The following GARNL3 variants were observed in gnomAD, a reference collection of about 807,000 sequenced individuals.
GARNL3 encodes the protein GTPase-activating Rap/Ran-GAP domain-like protein 3.
In GARNL3, 63 loss-of-function variants were observed where a neutral mutation model predicts 125.0. The ratio of observed to expected loss-of-function variants is 0.50; its 90% confidence interval spans 0.41 to 0.62. The LOEUF is 0.62. GARNL3 is among the 20% of genes least tolerant of loss of function. The probability of loss-of-function intolerance (pLI) is 0.00; values close to 1 mark genes in which losing one functional copy is unlikely to be tolerated. For synonymous variants in GARNL3, 439 were observed against 457.5 expected (o/e 0.96, Z 0.52); for missense variants, 994 against 1,244.0 (o/e 0.80, Z 3.02).
At chr9:127,352,279 G>T (rs1003338051) in intron 17 of GARNL3, among the ~76,000 whole-genome samples, 2 of 152,148 alleles carry the variant, frequency 1.3e-5, no homozygotes, top group Admixed American at 6.5e-5. Flanking sequence ...TGTTCAATGG[G>T]AGTATTATAA....
chr9:127,370,368 C>T (rs1831543622), intron 22 of GARNL3, among the ~76,000 whole-genome samples: 3 of 152,186 alleles, frequency 2.0e-5, no homozygotes, highest in South Asian at 2.1e-4. Context: ...GTACAGGATT[C>T]CATATGACAG....
intron 9 of GARNL3, 49 bp downstream of exon 9, chr9:127,333,170 A>G (rs149831549): frequency 1.4e-4 from 199 of 1,454,226 alleles, no homozygotes; most frequent in Non-Finnish European, 1.8e-4. Context: ...TAACTTTTGT[A>G]AGTCAGCCTG....
chr9:127,368,850 G>A (rs559204648), intron 22 of GARNL3, among the ~76,000 whole-genome samples: 2 of 152,072 alleles, frequency 1.3e-5, no homozygotes, highest in Admixed American at 6.5e-5. Flanking sequence ...CAGGAGAATC[G>A]CTTGAGCCCA....
intron 22 of GARNL3, among the ~76,000 whole-genome samples, chr9:127,368,014 T>C (rs1312201554): frequency 4.8e-5 from 7 of 145,406 alleles, no homozygotes; most frequent in Non-Finnish European, 1.1e-4. Flanking sequence ...CTTTCTTTTT[T>C]TTTTTTTTTT....
At chr9:127,336,463 TA>T (rs1370794205) in intron 11 of GARNL3, among the ~76,000 whole-genome samples, 2 of 152,210 alleles carry the variant, frequency 1.3e-5, no homozygotes, top group African/African-American at 4.8e-5. Flanking sequence ...ACTCCTGAAA[TA>T]TGGTCTCTTT....
chr9:127,230,067 T>C (rs559368484), intron 1 of GARNL3, among the ~76,000 whole-genome samples: 1 of 152,212 alleles, frequency 6.6e-6, no homozygotes, highest in East Asian at 1.9e-4. Flanking sequence ...AAGACACTTA[T>C]GCTGTTAAAC....
chr9:127,304,997 C>T (rs1369054709), intron 2 of GARNL3, among the ~76,000 whole-genome samples: 2 of 152,056 alleles, frequency 1.3e-5, no homozygotes, highest in Non-Finnish European at 1.5e-5. Context: ...TGTTGCAGAC[C>T]GAATGACAAA....
chr9:127,336,691 A>G (rs1829571810), intron 11 of GARNL3, among the ~76,000 whole-genome samples: 1 of 152,218 alleles, frequency 6.6e-6, no homozygotes, highest in Non-Finnish European at 1.5e-5. Context: ...GATAGAATTA[A>G]TAGTATTTTT....
intron 2 of GARNL3, chr9:127,243,273 T>A (rs1336944286): frequency 7.3e-7 from 1 of 1,365,504 alleles, no homozygotes; most frequent in East Asian, 4.5e-5. Flanking sequence ...AGAAGCATCA[T>A]CTCAGTTTGG....
At chr9:127,302,765 CTTATA>C (rs373350163) in intron 2 of GARNL3, among the ~76,000 whole-genome samples, 19 of 152,264 alleles carry the variant, frequency 1.2e-4, no homozygotes, top group African/African-American at 3.4e-4. Context: ...ATTTTACAAG[CTTATA>C]TTCATTCAAC....
chr9:127,366,241 A>T (rs1040481473), intron 22 of GARNL3, among the ~76,000 whole-genome samples: 1 of 152,270 alleles, frequency 6.6e-6, no homozygotes, highest in African/African-American at 2.4e-5. Context: ...AGGTTGTTTT[A>T]TAAACATCAT....
chr9:127,387,112 T>C, intron 24 of GARNL3, 81 bp from the exon 25 acceptor site: 6 of 1,445,202 alleles, frequency 4.2e-6, no homozygotes, highest in Non-Finnish European at 5.7e-6. Context: ...AGTTGGAGGG[T>C]TTGCAGTGAT....
At chr9:127,369,945 A>G (rs10987621) in intron 22 of GARNL3, among the ~76,000 whole-genome samples, 3,580 of 152,244 alleles carry the variant, frequency 0.024, 142 homozygotes, top group East Asian at 0.16. Context: ...CAGTGGGAAG[A>G]GGAAGGATTG....
chr9:127,390,763 G>A lies in GARNL3; in HGVS notation c.2866G>A (p.Asp956Asn). ...KPGAVRSSSS[D>N]RIPSGSLESA... ...AGGGGCAGTGAGGTCATCTAGCAGT[G>A]ACAGGTAAAGAGAGGGAGAGGCCCC... Residue 956 changes from aspartate (D) to asparagine (N), a missense_variant, in exon 27 of 28, where the codon GAC becomes AAC. Around this residue, in one of 5 missense-constraint regions of GARNL3, gnomAD observed 728 missense variants for 865.7 expected, o/e 0.84. Transcript: ENST00000373387. 1.2e-6 allele frequency: 2 copies of A among 1,613,108 alleles called. No homozygotes were observed. The highest frequency in any genetic ancestry group is 8.5e-7 in the Non-Finnish European group (1 of 1,179,420).
chr9:127,248,747 A>G (rs114925263), intron 2 of GARNL3, among the ~76,000 whole-genome samples: 332 of 151,532 alleles, frequency 2.2e-3, no homozygotes, highest in African/African-American at 7.9e-3. Flanking sequence ...AGCTAGGACC[A>G]CAGGTGTGCG....
intron 2 of GARNL3, among the ~76,000 whole-genome samples, chr9:127,303,296 TTGTATGTATATA>T (rs1034795476): frequency 1.2e-3 from 178 of 152,286 alleles, no homozygotes; most frequent in African/African-American, 4.2e-3. Context: ...ATATATATTT[TTGTATGTATATA>T]TGTATGTGAA....
chr9:127,309,468 G>A (rs1026752600), intron 2 of GARNL3, among the ~76,000 whole-genome samples: 5 of 152,098 alleles, frequency 3.3e-5, no homozygotes, highest in Admixed American at 6.5e-5. Context: ...AGAGCTTCCC[G>A]TTTCATTTTA....
intron 2 of GARNL3, among the ~76,000 whole-genome samples, chr9:127,258,584 A>C (rs780506285): frequency 1.3e-4 from 20 of 152,114 alleles, no homozygotes; most frequent in Non-Finnish European, 2.5e-4. Context: ...GGCTGCAGTG[A>C]GCTGTGATGC....
chr9:127,345,542 ATTATTGG>A, intron 16 of GARNL3, 65 bp downstream of exon 16: 1 of 1,069,540 alleles, frequency 9.3e-7, no homozygotes, highest in Admixed American at 2.1e-5. Context: ...AATGATTGAG[ATTATTGG>A]AAAAAGGTTT....
Sources: gnomAD v4.1 joint callset for allele counts (sites outside exome capture counted in the v4.1 genomes callset) on GRCh38, gnomAD v4.1.1 for gene constraint, gnomAD v4.1.1 regional missense constraint, MANE v1.5 for transcripts, NCBI Gene and HGNC (gene_info 2026-07-23, HGNC 2026-07-21) for gene names.